The following DGKB variants were observed in gnomAD, a reference collection of about 807,000 sequenced individuals.
The protein encoded by DGKB is diacylglycerol kinase beta.
Under a neutral mutation model 114.3 loss-of-function variants are expected in DGKB, and 67 were observed. The ratio of observed to expected loss-of-function variants is 0.59; its 90% CI spans 0.48 to 0.72. The LOEUF (loss-of-function observed/expected upper bound fraction) is 0.72, where lower values mean the gene tolerates loss of function less well. Ranked by LOEUF, DGKB falls within the 30% of genes least tolerant of loss-of-function variation. The pLI is 0.00. For missense variants in DGKB, 907 were observed against 975.2 expected (o/e 0.93, Z 0.93); for synonymous variants, 398 against 323.1 (o/e 1.23, Z -2.49).
intron 13 of DGKB, among the ~76,000 whole-genome samples, chr7:14,663,797 T>C (rs2128929678): frequency 7.2e-6 from 1 of 139,158 alleles, no homozygotes; most frequent in East Asian, 2.0e-4. Context: ...TTAACTGGGC[T>C]CCCTGGAACC....
chr7:14,599,045 C>T (rs868599545), intron 17 of DGKB, among the ~76,000 whole-genome samples: 5 of 152,252 alleles, frequency 3.3e-5, no homozygotes, highest in South Asian at 4.2e-4. Flanking sequence ...TATTTTTGGT[C>T]ACGTTTTAGG....
At chr7:14,735,518 T>A (rs913942647) in intron 5 of DGKB, among the ~76,000 whole-genome samples, 1 of 152,194 alleles carries the variant, frequency 6.6e-6, no homozygotes, top group African/African-American at 2.4e-5. Flanking sequence ...ACAACAGGTA[T>A]TAATGTAAGT....
chr7:14,232,408 T>C (rs141592152), intron 23 of DGKB, among the ~76,000 whole-genome samples: 107 of 151,036 alleles, frequency 7.1e-4, no homozygotes, highest in Admixed American at 6.5e-3. Context: ...TCTTCAGGGG[T>C]TAAAGGTTGG....
chr7:14,288,717 T>C (rs1012811548), intron 23 of DGKB, among the ~76,000 whole-genome samples: 2 of 152,192 alleles, frequency 1.3e-5, no homozygotes, highest in African/African-American at 4.8e-5. Context: ...TCAGACTCCA[T>C]GGGCAATTCC....
intron 21 of DGKB, among the ~76,000 whole-genome samples, chr7:14,403,534 C>A (rs189499841): frequency 1.3e-4 from 19 of 151,958 alleles, no homozygotes; most frequent in African/African-American, 4.3e-4. Context: ...AAAAAAAACC[C>A]CAAATGCAAG....
At chr7:14,522,371 G>A in intron 20 of DGKB, among the ~76,000 whole-genome samples, 1 of 152,100 alleles carries the variant, frequency 6.6e-6, no homozygotes, top group East Asian at 1.9e-4. Context: ...CGTTTATCAA[G>A]CCATCTTTGA....
intron 2 of DGKB, among the ~76,000 whole-genome samples, chr7:14,814,682 T>G (rs900755660): frequency 6.6e-6 from 1 of 152,302 alleles, no homozygotes; most frequent in Non-Finnish European, 1.5e-5. Flanking sequence ...AACGTTATTT[T>G]TCTCTGAAAA....
chr7:14,387,064 G>T, intron 21 of DGKB, among the ~76,000 whole-genome samples: 1 of 151,000 alleles, frequency 6.6e-6, no homozygotes, highest in East Asian at 1.9e-4. Context: ...TATATATGAG[G>T]CTCATGTAAA....
intron 19 of DGKB, among the ~76,000 whole-genome samples, chr7:14,579,391 C>T (rs1799609649): frequency 6.6e-6 from 1 of 152,102 alleles, no homozygotes; most frequent in Non-Finnish European, 1.5e-5. Context: ...CAAATATGGA[C>T]TTCTTTAACA....
At chr7:14,795,060 A>T (rs1841211382) in intron 2 of DGKB, among the ~76,000 whole-genome samples, 1 of 152,142 alleles carries the variant, frequency 6.6e-6, no homozygotes, top group Non-Finnish European at 1.5e-5. Flanking sequence ...CTATAATTAG[A>T]CTCAAGTCTC....
intron 21 of DGKB, among the ~76,000 whole-genome samples, chr7:14,378,828 C>T (rs1818908897): frequency 6.6e-6 from 1 of 151,864 alleles, no homozygotes; most frequent in Admixed American, 6.6e-5. Flanking sequence ...TTTCTTCAGG[C>T]TTCCTTTATA....
chr7:14,417,722 G>T (rs1418341314), intron 21 of DGKB, among the ~76,000 whole-genome samples: 1 of 151,268 alleles, frequency 6.6e-6, no homozygotes, highest in African/African-American at 2.4e-5. Flanking sequence ...AACTTGTACA[G>T]TATACATTTA....
intron 21 of DGKB, among the ~76,000 whole-genome samples, chr7:14,357,448 G>C (rs906715094): frequency 3.9e-5 from 6 of 152,090 alleles, no homozygotes; most frequent in Admixed American, 2.0e-4. Flanking sequence ...CCATTTGCTT[G>C]GTAGATCTTC....
chr7:14,314,769 G>C (rs1444193349), intron 23 of DGKB, among the ~76,000 whole-genome samples: 2 of 151,358 alleles, frequency 1.3e-5, no homozygotes, highest in African/African-American at 4.9e-5. Flanking sequence ...TCAGATTCAG[G>C]AAATACAGAG....
intron 1 of DGKB, among the ~76,000 whole-genome samples, chr7:14,935,314 T>A (rs2128252384): frequency 6.6e-6 from 1 of 152,296 alleles, no homozygotes; most frequent in Non-Finnish European, 1.5e-5. Context: ...CTTTGAGTTT[T>A]GATTGAATTA....
At chr7:14,265,619 T>C (rs746470105) in intron 23 of DGKB, among the ~76,000 whole-genome samples, 1 of 152,088 alleles carries the variant, frequency 6.6e-6, no homozygotes, top group Non-Finnish European at 1.5e-5. Context: ...ATCCTTGCTC[T>C]AATAATTACA....
intron 20 of DGKB, among the ~76,000 whole-genome samples, chr7:14,532,705 A>T (rs191221109): frequency 4.0e-5 from 6 of 151,736 alleles, no homozygotes; most frequent in Admixed American, 2.6e-4. Flanking sequence ...TATAAATGCC[A>T]TTCTCTTAAT....
chr7:14,261,559 C>CAATT (rs1240865418), intron 23 of DGKB, among the ~76,000 whole-genome samples: 2 of 152,090 alleles, frequency 1.3e-5, no homozygotes, highest in East Asian at 1.9e-4. Context: ...TTGATATCCT[C>CAATT]AATTAGGGGA....
At chr7:14,792,319 T>A (rs544451388) in intron 2 of DGKB, among the ~76,000 whole-genome samples, 1 of 152,242 alleles carries the variant, frequency 6.6e-6, no homozygotes, top group South Asian at 2.1e-4. Flanking sequence ...GCTTTATTCG[T>A]GTTTTAAAAT....
Sources: gnomAD v4.1 joint callset for allele counts (sites outside exome capture counted in the v4.1 genomes callset) on GRCh38, gnomAD v4.1.1 for gene constraint, MANE v1.5 for transcripts, NCBI Gene and HGNC (gene_info 2026-07-23, HGNC 2026-07-21) for gene names.